COL4A4: variants seen among roughly 807,000 people sequenced by gnomAD.
The protein encoded by COL4A4 is collagen alpha-4(IV) chain.
A neutral mutation model predicts 192.9 loss-of-function variants in COL4A4; 105 were observed. The ratio of observed to expected loss-of-function variants is 0.54; its 90% CI spans 0.46 to 0.64. The LOEUF (loss-of-function observed/expected upper bound fraction) is 0.64, where lower values mean the gene tolerates loss of function less well. COL4A4 is among the 30% of genes least tolerant of loss of function. The pLI is 0.00. For missense variants in COL4A4, 1,967 were observed against 2,169.3 expected, an observed-to-expected ratio of 0.91 and a Z score of 1.85; for synonymous variants, 762 against 769.9, an observed-to-expected ratio of 0.99 and a Z score of 0.17.
intron 41 of COL4A4, among the ~76,000 whole-genome samples, chr2:227,029,950 C>T (rs1020216801): frequency 9.2e-5 from 14 of 152,158 alleles, no homozygotes; most frequent in Non-Finnish European, 1.2e-4. Flanking sequence ...CTGAGCTGTG[C>T]TGTCAGTGTG....
At chr2:226,993,217 C>G in the COL4A4 span, among the ~76,000 whole-genome samples, 2 of 152,178 alleles carry the variant, frequency 1.3e-5, no homozygotes, top group African/African-American at 2.4e-5. Flanking sequence ...TTTGAAGAAA[C>G]GCTAAAGAAA....
Position 227,062,236 on chromosome 2 carries a change from CAA to C in COL4A4, c.2056+292_2056+293del, listed in dbSNP as rs56292638. Among the ~76,000 whole-genome samples the C allele has an allele frequency of 0.59, 78,948 of 132,876 alleles. 22,014 individuals carry two copies. The highest frequency in any genetic ancestry group is 0.72 in the African/African-American group (26,456 of 36,994). 87.2% of individuals were successfully genotyped at this position (132,876 alleles called of 152,430 possible). On this transcript the variant is annotated intron_variant, in intron 26 of 47. Transcript: ENST00000396625. ...CGGGAGACAAAGTGAGACTCCGTCT[CAA>C]AAAAAAAAAAAAAACTTTCAAGGGA... is the stretch of plus-strand genomic sequence containing the variant.
intron 4 of COL4A4, among the ~76,000 whole-genome samples, chr2:227,122,577 A>C (rs1256887178): frequency 1.1e-4 from 16 of 152,104 alleles, no homozygotes; most frequent in Admixed American, 1.0e-3. Flanking sequence ...AACTGGAGTC[A>C]CCCGAAATCA....
In COL4A4 at chr2:227,104,386, C is replaced by T. The variant is rs1360865099; in HGVS notation, c.736-334G>A. ...GAGATCGAGACCATCCTGGCTAACACGGTGAAACCCCGTCTCTACTAAAAA... is the reference window on the plus strand; with the variant it reads ...GAGATCGAGACCATCCTGGCTAACATGGTGAAACCCCGTCTCTACTAAAAA... On this transcript the variant is annotated intron_variant, in intron 12 of 47. Transcript: ENST00000396625. 3.3e-4 allele frequency among the ~76,000 whole-genome samples: 44 copies of T among 134,648 alleles called. 1 individual carries two copies. The South Asian group carries it at 5.6e-3, about 17-fold the overall frequency. 88.3% of individuals were successfully genotyped at this position (134,648 alleles called of 152,430 possible). A position where few individuals can be genotyped will look rare whatever the true frequency, so the allele number is the denominator to read the frequency against.
At chr2:227,082,388 G>A (rs1211645468) in intron 22 of COL4A4, among the ~76,000 whole-genome samples, 2 of 152,122 alleles carry the variant, frequency 1.3e-5, no homozygotes, top group African/African-American at 2.4e-5. Flanking sequence ...CATGTCAAAT[G>A]TAAAAGCTGG....
chr2:227,144,720 T>TTTTTA (rs1212610065), intron 2 of COL4A4, among the ~76,000 whole-genome samples, 162 bp from the exon 3 acceptor site: 148 of 152,358 alleles, frequency 9.7e-4, no homozygotes, highest in African/African-American at 3.4e-3. Context: ...TGCTTTCCTC[T>TTTTTA]CTCTGGCTGC....
upstream of COL4A4, chr2:227,164,381 T>C: frequency 3.0e-6 from 1 of 333,516 alleles, no homozygotes; most frequent in Admixed American, 4.9e-5. The surrounding 1 kb of genome is among the most constrained non-coding windows in gnomAD (Gnocchi z 4.8). Flanking sequence ...GAGCATCACC[T>C]CCTTAACCCC....
chr2:227,131,861 G>A (rs1046536087), intron 4 of COL4A4, among the ~76,000 whole-genome samples: 3 of 152,286 alleles, frequency 2.0e-5, no homozygotes, highest in East Asian at 1.9e-4. Flanking sequence ...AAGTGAGGCC[G>A]CTAGGAACCA....
At chr2:226,999,534 T>A (rs1450697042), downstream of COL4A4, among the ~76,000 whole-genome samples, 1 of 152,220 alleles carries the variant, frequency 6.6e-6, no homozygotes, top group African/African-American at 2.4e-5. Flanking sequence ...TGTGCTAACA[T>A]TTTTTCCTTC....
At chr2:227,160,483 T>C (rs2064734775) in intron 1 of COL4A4, among the ~76,000 whole-genome samples, 1 of 152,052 alleles carries the variant, frequency 6.6e-6, no homozygotes, top group African/African-American at 2.4e-5. Context: ...TCTGAGGTGA[T>C]TAGAGAAGAT....
Position 227,059,635 on chromosome 2 carries a change from CAA to C in COL4A4, c.2165-14_2165-13del. ...GTCACCACGAAAACCTATTTAACAA[CAA>C]AAAAAAATTTTTAATGATAACATGT... On this transcript the variant is annotated splice_polypyrimidine_tract_variant and intron_variant, in intron 27 of 47. Transcript: ENST00000396625. 1 of 1,604,240 alleles carries C rather than the reference CAA, an allele frequency of 6.2e-7. No homozygotes were observed. Among genetic ancestry groups the C allele is most frequent in the South Asian group, 1.1e-5 (1 of 90,794 alleles).
intron 16 of COL4A4, 102 bp downstream of exon 16, chr2:227,101,763 C>T: frequency 9.0e-7 from 1 of 1,114,878 alleles, no homozygotes; most frequent in Non-Finnish European, 1.3e-6. Flanking sequence ...TGTCTGCCTT[C>T]CTAATTACTG....
chr2:227,071,129 C>T (rs1158376642), intron 25 of COL4A4, among the ~76,000 whole-genome samples: 4 of 152,016 alleles, frequency 2.6e-5, no homozygotes, highest in Non-Finnish European at 5.9e-5. Flanking sequence ...ACAAAAACAA[C>T]ACAATCCAAA....
rs1966843643 is a variant in COL4A4 at position 227,025,817 on chromosome 2, G to T, written c.4082-7C>A. The T allele has an allele frequency of 6.2e-7, 1 of 1,612,888 alleles. No homozygotes were observed. Among genetic ancestry groups the T allele is most frequent in the Non-Finnish European group, 8.5e-7 (1 of 1,179,412 alleles). On this transcript the variant is annotated splice_region_variant and splice_polypyrimidine_tract_variant and intron_variant, in intron 42 of 47. Transcript: ENST00000396625. ...CAAAGCTTACCTCTGGGACCTAGAG[G>T]GATCCAAAGACAACAAACGAGGCCA...
At chr2:227,081,640 T>A (rs1456200586) in intron 23 of COL4A4, among the ~76,000 whole-genome samples, 1 of 152,186 alleles carries the variant, frequency 6.6e-6, no homozygotes, top group African/African-American at 2.4e-5. Flanking sequence ...CTTAATAAAC[T>A]CCTTTTCATA....
intron 36 of COL4A4, among the ~76,000 whole-genome samples, chr2:227,042,559 G>A (rs1971671356): frequency 6.6e-6 from 1 of 151,970 alleles, no homozygotes; most frequent in Non-Finnish European, 1.5e-5. Context: ...TAAAGGAGGG[G>A]AAAACAAACA....
At chr2:227,045,975 G>A (rs941128082) in intron 35 of COL4A4, among the ~76,000 whole-genome samples, 4,721 of 39,480 alleles carry the variant, frequency 0.12, 858 homozygotes, top group South Asian at 0.21. Flanking sequence ...ATTTATATGT[G>A]TATATGTATA....
At chr2:227,082,517 C>G (rs1158145263) in intron 22 of COL4A4, among the ~76,000 whole-genome samples, 3 of 152,184 alleles carry the variant, frequency 2.0e-5, no homozygotes, top group Admixed American at 6.5e-5. Flanking sequence ...ACTGGGGAAG[C>G]TGGGGAAGCA....
intron 27 of COL4A4, 35 bp downstream of exon 27, chr2:227,060,101 G>GAAAAAA (rs71422223): frequency 0.084 from 41,350 of 489,560 alleles, 3,971 homozygotes; most frequent in African/African-American, 0.16. Flanking sequence ...TCCCAAAGCA[G>GAAAAAA]AAAAAAAAAA....
Sources: gnomAD v4.1 joint callset for allele counts (sites outside exome capture counted in the v4.1 genomes callset) on GRCh38, gnomAD v4.1.1 for gene constraint, Gnocchi (gnomAD v3.1) non-coding constraint, MANE v1.5 for transcripts, NCBI Gene and HGNC (gene_info 2026-07-23, HGNC 2026-07-21) for gene names.